The following SLC25A41 variants were observed in gnomAD, a reference collection of about 807,000 sequenced individuals.
SLC25A41 encodes the protein solute carrier family 25 member 41.
Under a neutral mutation model 34.7 loss-of-function variants are expected in SLC25A41, and 35 were observed. The ratio of observed to expected loss-of-function variants is 1.01; its 90% confidence interval spans 0.77 to 1.34. The LOEUF is 1.34. SLC25A41 is among the 40% of genes most tolerant of loss of function. The pLI, the probability that SLC25A41 is intolerant of heterozygous loss-of-function variation, is 0.00. For missense variants in SLC25A41, 492 were observed against 489.8 expected (o/e 1.00, Z -0.04); for synonymous variants, 190 against 209.9 (o/e 0.91, Z 0.82).
In SLC25A41 at chr19:6,427,512, C is replaced by A; in HGVS notation, c.625-11G>T. ...CCGCGTCTTCAGCACCTGAGGATGG[C>A]GGGGAACAAGGCAGCTCATTTGATT... On this transcript the variant is annotated splice_polypyrimidine_tract_variant and intron_variant, in intron 4 of 6. Transcript: ENST00000321510. The surrounding 1 kb of genome is among the most constrained non-coding windows in gnomAD (Gnocchi z 4.9). 2 of 1,506,752 alleles carry A rather than the reference C, an allele frequency of 1.3e-6. No individual in the cohort carries two copies. Among genetic ancestry groups the A allele is most frequent in the East Asian group, 2.4e-5 (1 of 41,738 alleles). The allele number at this position is 1,506,752 out of a possible 1,614,324, so 93.3% of individuals were successfully genotyped here.
intron 4 of SLC25A41, among the ~76,000 whole-genome samples, chr19:6,428,576 A>G (rs2092254956): frequency 6.8e-6 from 1 of 147,712 alleles, no homozygotes; most frequent in African/African-American, 2.5e-5. Flanking sequence ...ATTACATAGT[A>G]TATAATAAAT....
chr19:6,433,479 A>C lies in SLC25A41; in HGVS notation c.207+8T>G. On this transcript the variant is annotated splice_region_variant and intron_variant, in intron 1 of 6. Coordinates refer to ENST00000321510, the MANE Select transcript of SLC25A41 (RefSeq NM_173637.4). ...AGGTGCCGGGACACTGGTGTTTCCTAAACTCACCTGCTGTGACGGGAGATG... is the reference window on the plus strand; with the variant it reads ...AGGTGCCGGGACACTGGTGTTTCCTCAACTCACCTGCTGTGACGGGAGATG... 6.2e-7 allele frequency: 1 copy of C among 1,611,904 alleles called. No individual in the cohort carries two copies. Among genetic ancestry groups the C allele is most frequent in the Non-Finnish European group, 8.5e-7 (1 of 1,179,758 alleles).
At chr19:6,435,223 CAAA>C (rs1308581356), upstream of SLC25A41, among the ~76,000 whole-genome samples, 1 of 52,650 alleles carries the variant, frequency 1.9e-5, no homozygotes, top group Admixed American at 2.1e-4. Flanking sequence ...GACCCTGTCT[CAAA>C]AAAAAAAAAA....
chr19:6,432,453 G>A (rs2092289687), intron 1 of SLC25A41, among the ~76,000 whole-genome samples: 2 of 143,572 alleles, frequency 1.4e-5, no homozygotes, highest in African/African-American at 5.2e-5. Context: ...TGGGATTATA[G>A]GCATGCACCA....
At position 6,429,736 on chromosome 19, in the gene SLC25A41, G is replaced by C; in HGVS notation, c.612C>G (p.Ile204Met). 5 of 1,596,978 alleles carry C rather than the reference G, an allele frequency of 3.1e-6. No individual in the cohort carries two copies. The highest frequency in any genetic ancestry group is 4.3e-6 in the Non-Finnish European group (5 of 1,173,306). The change falls in exon 4 of 7, where the codon ATC becomes ATG. Residue 204 changes from isoleucine to methionine, a missense_variant. Ile to Met is a conservative substitution (Grantham distance 10, BLOSUM62 1). Transcript: ENST00000321510. ...SLAVAISQTL[I>M]NPMEVLKTRL... is the part of the protein sequence containing the mutation. Reference sequence around the variant, plus strand: ...CATGCTCTCTTACCTCCATGGGGTTGATGAGGGTCTGGGAGATGGCCACAG... The same window carrying C: ...CATGCTCTCTTACCTCCATGGGGTTCATGAGGGTCTGGGAGATGGCCACAG...
intron 2 of SLC25A41, 137 bp downstream of exon 2, chr19:6,431,912 A>T: frequency 9.7e-7 from 1 of 1,031,672 alleles, no homozygotes; most frequent in Non-Finnish European, 1.4e-6. Flanking sequence ...CCTCAATCTC[A>T]GCTAGTCCAG....
chr19:6,432,450 A>G (rs1375793118), intron 1 of SLC25A41, among the ~76,000 whole-genome samples: 2 of 135,366 alleles, frequency 1.5e-5, no homozygotes, highest in East Asian at 2.3e-4. Flanking sequence ...AGCTGGGATT[A>G]TAGGCATGCA....
At chr19:6,428,538 T>C (rs1034710177) in intron 4 of SLC25A41, among the ~76,000 whole-genome samples, 9 of 147,922 alleles carry the variant, frequency 6.1e-5, no homozygotes, top group Non-Finnish European at 1.3e-4. Context: ...GCATATATTA[T>C]ATATAACATG....
chr19:6,433,389 G>C, intron 1 of SLC25A41, 98 bp downstream of exon 1: 1 of 1,232,172 alleles, frequency 8.1e-7, no homozygotes, highest in Non-Finnish European at 1.2e-6. Context: ...TTCTAGGTCC[G>C]CTAGCAGGGG....
chr19:6,429,258 T>A (rs1365611809), intron 4 of SLC25A41, among the ~76,000 whole-genome samples: 3 of 108,708 alleles, frequency 2.8e-5, no homozygotes, highest in Non-Finnish European at 5.4e-5. Flanking sequence ...TATATATGTA[T>A]ATGTGTTATA....
chr19:6,433,756 G>T lies in SLC25A41; in HGVS notation c.-63C>A. ...AGTTGTTTGCTGCTCCAGCTACCATGCGGGAGTGTCTAGTGGGAGGATTGT... is the reference window on the plus strand; with the variant it reads ...AGTTGTTTGCTGCTCCAGCTACCATTCGGGAGTGTCTAGTGGGAGGATTGT... On this transcript the variant is annotated 5_prime_UTR_variant, in exon 1 of 7. Transcript: ENST00000321510. 1 of 1,351,960 alleles carries T rather than the reference G, an allele frequency of 7.4e-7. No individual in the cohort carries two copies. The highest frequency in any genetic ancestry group is 1.5e-5 in the African/African-American group (1 of 68,318). The allele number at this position is 1,351,960 out of a possible 1,614,324, so 83.7% of individuals were successfully genotyped here.
intron 1 of SLC25A41, among the ~76,000 whole-genome samples, chr19:6,433,219 T>C (rs2092293641): frequency 6.6e-6 from 1 of 151,472 alleles, no homozygotes; most frequent in Admixed American, 6.6e-5. Context: ...TGGCTAAGTT[T>C]TGTAATTTTA....
upstream of SLC25A41, among the ~76,000 whole-genome samples, chr19:6,435,538 T>C (rs1424053389): frequency 6.6e-6 from 1 of 152,010 alleles, no homozygotes; most frequent in East Asian, 1.9e-4. Context: ...CTGGCCAACA[T>C]GATAAAACCC....
At chr19:6,436,232 G>T, upstream of SLC25A41, 1 of 281,668 alleles carries the variant, frequency 3.6e-6, no homozygotes, top group South Asian at 3.3e-5. Flanking sequence ...CTGTTCCCGT[G>T]ATCAGTGTTT....
At position 6,426,250 on chromosome 19, in the gene SLC25A41, A is replaced by AC; in HGVS notation, c.*138dup. The AC allele has an allele frequency of 3.0e-5, 3 of 101,620 alleles. No individual in the cohort carries two copies. The highest frequency in any genetic ancestry group is 5.4e-5 in the Non-Finnish European group (3 of 55,256). The allele number at this position is 101,620 out of a possible 1,614,324, so 6.3% of individuals were successfully genotyped here. A position where few individuals can be genotyped will look rare whatever the true frequency, so the allele number is the denominator to read the frequency against. On this transcript the variant is annotated 3_prime_UTR_variant, in exon 7 of 7. Coordinates refer to ENST00000321510, the MANE Select transcript of SLC25A41 (RefSeq NM_173637.4). ...CAGGAATCTTCTGACCCAGAGCCCC[A>AC]CCCCCACCCCCAGCCTGCTTTTGCC... is the stretch of plus-strand genomic sequence containing the variant.
rs1030657266 is a variant in SLC25A41, at chr19:6,429,673, G to C, written c.624+51C>G. 15 of 1,377,600 alleles carry C rather than the reference G, an allele frequency of 1.1e-5. No homozygotes were observed. In the African/African-American group the frequency reaches 2.1e-4, roughly 19 times the overall value. 85.3% of individuals were successfully genotyped at this position (1,377,600 alleles called of 1,614,324 possible). A position where few individuals can be genotyped will look rare whatever the true frequency, so the allele number is the denominator to read the frequency against. Reference sequence around the variant, plus strand: ...AGAGGAAGTAGCCCCAGCAACGTGGGTAACTAGTTTCCACGGCGTTTCCTC... The same window carrying C: ...AGAGGAAGTAGCCCCAGCAACGTGGCTAACTAGTTTCCACGGCGTTTCCTC... On this transcript the variant is annotated intron_variant, in intron 4 of 6. Transcript: ENST00000321510.
At position 6,427,782 on chromosome 19, in the gene SLC25A41, T is replaced by C. The variant is rs1048395687; in HGVS notation, c.625-281A>G. Among the ~76,000 whole-genome samples, 5 of 151,968 alleles carry C rather than the reference T, an allele frequency of 3.3e-5. No homozygotes were observed. Among genetic ancestry groups the C allele is most frequent in the Non-Finnish European group, 5.9e-5 (4 of 67,994 alleles). ...CGGGAGGATCGCTTGAGGCCGGGAG[T>C]TCGAGACCAGCCTGGGCAACATAGC... On this transcript the variant is annotated intron_variant, in intron 4 of 6. Transcript: ENST00000321510. This position sits in a 1 kb window ranked among gnomAD's most constrained non-coding sequence, Gnocchi z 4.9.
Position 6,426,502 on chromosome 19 carries a change from G to C in SLC25A41, c.1000C>G (p.Gln334Glu). The C allele has an allele frequency of 6.2e-7, 1 of 1,613,562 alleles. No homozygotes were observed. Among genetic ancestry groups the C allele is most frequent in the Non-Finnish European group, 8.5e-7 (1 of 1,179,856 alleles). The change falls in exon 7 of 7, where the codon CAG becomes GAG. Residue 334 changes from glutamine (Q) to glutamate (E), a missense_variant. By Grantham distance (29) the Gln-to-Glu change is conservative. Coordinates refer to ENST00000321510, the MANE Select transcript of SLC25A41 (RefSeq NM_173637.4). ...CCTCGGTACAGCCCTAGCCAGCCCTGCTGGGCCAGGATCCGCTGGAGGACT... is the reference window on the plus strand; with the variant it reads ...CCTCGGTACAGCCCTAGCCAGCCCTCCTGGGCCAGGATCCGCTGGAGGACT... ...RGVLQRILAQ[Q>E]GWLGLYRGMT...
In SLC25A41 at chr19:6,426,465, G is replaced by A. The variant is rs777843192; in HGVS notation, c.1037C>T (p.Thr346Met). Reference protein sequence around the residue: ...WLGLYRGMTPTLLKVLPAGGI... With the variant: ...WLGLYRGMTPMLLKVLPAGGI... ...ACCTGCTGGTAAGACCTTCAGTAGC[G>A]TGGGGGTCATGCCTCGGTACAGCCC... Residue 346 changes from threonine to methionine, a missense_variant, in exon 7 of 7, where the codon ACG becomes ATG. Thr to Met is a moderately conservative substitution (Grantham distance 81, BLOSUM62 -1). Coordinates refer to ENST00000321510, the MANE Select transcript of SLC25A41 (RefSeq NM_173637.4). 3.1e-6 allele frequency: 5 copies of A among 1,613,786 alleles called. No homozygotes were observed. The highest frequency in any genetic ancestry group is 2.2e-5 in the East Asian group (1 of 44,884).
Sources: gnomAD v4.1 joint callset for allele counts (sites outside exome capture counted in the v4.1 genomes callset) on GRCh38, gnomAD v4.1.1 for gene constraint, Gnocchi (gnomAD v3.1) non-coding constraint, MANE v1.5 for transcripts, NCBI Gene and HGNC (gene_info 2026-07-23, HGNC 2026-07-21) for gene names.